The following RORA variants were observed in gnomAD, a reference collection of about 807,000 sequenced individuals.
RORA encodes nuclear receptor ROR-alpha.
RORA carries 7 observed loss-of-function variants against 69.5 expected under a neutral mutation model. The observed-to-expected ratio is 0.10, with a 90% CI of 0.06 to 0.19. The LOEUF (loss-of-function observed/expected upper bound fraction) is 0.19. Ranked by LOEUF, RORA falls within the 10% of genes least tolerant of loss-of-function variation. The probability of loss-of-function intolerance (pLI) is 1.00; values close to 1 mark genes in which losing one functional copy is unlikely to be tolerated. For synonymous variants in RORA, 261 were observed against 240.8 expected, an observed-to-expected ratio of 1.08 and a Z score of -0.78; for missense variants, 457 against 663.0, an observed-to-expected ratio of 0.69 and a Z score of 3.41.
intron 1 of RORA, among the ~76,000 whole-genome samples, chr15:60,915,517 T>C (rs8031571): frequency 0.92 from 139,521 of 152,316 alleles, 64,786 homozygotes; most frequent in Non-Finnish European, 0.99. Flanking sequence ...TGTCAAAGTT[T>C]CCATGGTGGC....
chr15:61,199,680 G>A (rs2079877441), intron 1 of RORA, among the ~76,000 whole-genome samples: 2 of 152,126 alleles, frequency 1.3e-5, no homozygotes, highest in African/African-American at 2.4e-5. Flanking sequence ...GCAAACTACT[G>A]GACTGAGGTC....
intron 2 of RORA, among the ~76,000 whole-genome samples, chr15:60,576,383 G>A (rs1163212403): frequency 6.6e-6 from 1 of 152,148 alleles, no homozygotes; most frequent in Non-Finnish European, 1.5e-5. Flanking sequence ...ACAGCCTTTT[G>A]ATAGGAAACC....
chr15:60,951,589 A>T (rs1893097338), intron 1 of RORA, among the ~76,000 whole-genome samples: 1 of 150,638 alleles, frequency 6.6e-6, no homozygotes, highest in African/African-American at 2.4e-5. Context: ...TAGACACAAT[A>T]AAAAATGATA....
chr15:60,495,567 C>G lies in RORA; in HGVS notation c.*1888G>C, dbSNP rs891791435. 6.6e-6 allele frequency: 1 copy of G among 152,200 alleles called. No individual in the cohort carries two copies. The highest frequency in any genetic ancestry group is 2.4e-5 in the African/African-American group (1 of 41,450). The allele number at this position is 152,200 out of a possible 1,614,324, so 9.4% of individuals were successfully genotyped here. On this transcript the variant is annotated 3_prime_UTR_variant, in exon 11 of 11. Coordinates refer to ENST00000335670, the MANE Select transcript of RORA (RefSeq NM_134261.3). ...GCTCTGGGAAGCCCATGCTGGTAAC[C>G]TAGCATGACGTGAAGAGCTGCAATT...
chr15:61,013,446 T>C (rs1278285524), intron 1 of RORA, among the ~76,000 whole-genome samples: 1 of 152,224 alleles, frequency 6.6e-6, no homozygotes, highest in Admixed American at 6.5e-5. Flanking sequence ...GTAAGACAAC[T>C]GACAGGGAAG....
At chr15:61,221,480 G>A (rs1477139032) in intron 1 of RORA, among the ~76,000 whole-genome samples, 3 of 151,784 alleles carry the variant, frequency 2.0e-5, no homozygotes, top group Non-Finnish European at 4.4e-5. Context: ...TTTTATTCTC[G>A]TGGCTAGTTT....
chr15:61,112,652 T>C (rs2079017313), intron 1 of RORA, among the ~76,000 whole-genome samples: 1 of 152,186 alleles, frequency 6.6e-6, no homozygotes, highest in African/African-American at 2.4e-5. Flanking sequence ...TATTGAACAC[T>C]TACCGCAAGC....
rs59713870 is a variant in RORA, at chr15:60,898,500, A to AAAATAAATAAAT, written c.167-219826_167-219815dup. On this transcript the variant is annotated intron_variant, in intron 1 of 10. Coordinates refer to ENST00000335670, the MANE Select transcript of RORA (RefSeq NM_134261.3). ...GCAACACAGTGAGACATTGTCTCTA[A>AAAATAAATAAAT]AAATAAATAAATAAATAAATAAATA... 3.3e-3 allele frequency among the ~76,000 whole-genome samples: 460 copies of AAAATAAATAAAT among 138,108 alleles called. 1 individual carries two copies. Among genetic ancestry groups the AAAATAAATAAAT allele is most frequent in the South Asian group, 7.2e-3 (30 of 4,178 alleles). The allele number at this position is 138,108 out of a possible 152,430, so 90.6% of individuals were successfully genotyped here.
At chr15:61,095,119 G>A (rs2078769284) in intron 1 of RORA, among the ~76,000 whole-genome samples, 1 of 152,208 alleles carries the variant, frequency 6.6e-6, no homozygotes. Flanking sequence ...GTGTAAAGGT[G>A]TAAAGCTGTA....
chr15:60,751,230 C>T (rs2071718912), intron 1 of RORA, among the ~76,000 whole-genome samples: 1 of 152,174 alleles, frequency 6.6e-6, no homozygotes, highest in Non-Finnish European at 1.5e-5. Flanking sequence ...CTGCCTCCTT[C>T]AACAGTGATT....
intron 1 of RORA, among the ~76,000 whole-genome samples, chr15:60,877,719 A>G (rs1012184009): frequency 6.6e-6 from 1 of 152,224 alleles, no homozygotes; most frequent in African/African-American, 2.4e-5. Flanking sequence ...GGAGTTCCTG[A>G]CACTTCACTA....
intron 1 of RORA, among the ~76,000 whole-genome samples, chr15:61,144,083 T>C (rs12904761): frequency 0.69 from 104,197 of 152,054 alleles, 36,713 homozygotes; most frequent in Non-Finnish European, 0.77. Context: ...AACAAGAACC[T>C]TGTGTAAAAA....
intron 1 of RORA, among the ~76,000 whole-genome samples, chr15:60,773,749 G>C (rs189655623): frequency 1.9e-4 from 29 of 152,194 alleles, no homozygotes; most frequent in Non-Finnish European, 3.2e-4. Context: ...GAATTGATAC[G>C]CACATAAAGA....
intron 1 of RORA, among the ~76,000 whole-genome samples, chr15:60,914,612 T>C (rs968522569): frequency 6.6e-6 from 1 of 152,240 alleles, no homozygotes; most frequent in African/African-American, 2.4e-5. Context: ...AGCTGGCTTC[T>C]TTCCCATGTT....
intron 1 of RORA, among the ~76,000 whole-genome samples, chr15:61,113,655 G>GT (rs1159348228): frequency 2.0e-5 from 3 of 152,122 alleles, no homozygotes; most frequent in African/African-American, 7.2e-5. Flanking sequence ...TCCTGAGCCT[G>GT]TTTTTTTAAA....
chr15:60,615,145 G>A (rs2069201755), intron 2 of RORA: 2 of 1,309,388 alleles, frequency 1.5e-6, no homozygotes, highest in Non-Finnish European at 2.1e-6. Context: ...GCTCTCTCGT[G>A]TTTCCTCATC....
At chr15:61,159,154 C>G (rs1176791778) in intron 1 of RORA, among the ~76,000 whole-genome samples, 7 of 152,238 alleles carry the variant, frequency 4.6e-5, no homozygotes, top group African/African-American at 1.7e-4. Flanking sequence ...ATAATCAGCT[C>G]TCATAGATCC....
At position 60,995,172 on chromosome 15, in the gene RORA, C is replaced by T. The variant is rs574635443; in HGVS notation, c.166+233881G>A. ...ATGAATAAGAATAATGACTTAAAAG[C>T]TTTCTTTTTTTTTCTGGTTCTCTTC... is the stretch of plus-strand genomic sequence containing the variant. On this transcript the variant is annotated intron_variant, in intron 1 of 10. Transcript: ENST00000335670. Among the ~76,000 whole-genome samples, 54 of 152,246 alleles carry T rather than the reference C, an allele frequency of 3.5e-4. 1 individual carries two copies. In the South Asian group the frequency reaches 0.011, roughly 30 times the overall value.
chr15:61,193,127 T>A (rs2079816341), intron 1 of RORA, among the ~76,000 whole-genome samples: 1 of 152,214 alleles, frequency 6.6e-6, no homozygotes, highest in African/African-American at 2.4e-5. Context: ...ATACGTCATT[T>A]TACTTATCCC....
Sources: gnomAD v4.1 joint callset for allele counts (sites outside exome capture counted in the v4.1 genomes callset) on GRCh38, gnomAD v4.1.1 for gene constraint, MANE v1.5 for transcripts, NCBI Gene and HGNC (gene_info 2026-07-23, HGNC 2026-07-21) for gene names.